Variants in SYN3 observed in about 807,000 individuals in gnomAD.
SYN3 encodes synapsin-3.
SYN3 carries 35 observed loss-of-function variants against 65.8 expected under a neutral mutation model. The ratio of observed to expected loss-of-function variants is 0.53; its 90% confidence interval spans 0.41 to 0.70. The LOEUF is 0.70. Ranked by LOEUF, SYN3 falls within the 30% of genes least tolerant of loss-of-function variation. The pLI is 0.00. For synonymous variants in SYN3, 270 were observed against 292.9 expected (o/e 0.92, Z 0.80); for missense variants, 680 against 749.0 (o/e 0.91, Z 1.08).
intron 6 of SYN3, among the ~76,000 whole-genome samples, chr22:32,796,370 A>G (rs192743917): frequency 1.8e-4 from 28 of 152,326 alleles, no homozygotes; most frequent in Non-Finnish European, 3.7e-4. Flanking sequence ...TGTGGAAAGA[A>G]ATATGAAAAC....
intron 6 of SYN3, among the ~76,000 whole-genome samples, chr22:32,661,661 A>C (rs1444444653): frequency 6.6e-6 from 1 of 152,122 alleles, no homozygotes; most frequent in Non-Finnish European, 1.5e-5. Flanking sequence ...AACAGGATAC[A>C]AGGGGACCTG....
At chr22:32,557,568 G>C (rs924541412) in intron 7 of SYN3, among the ~76,000 whole-genome samples, 1 of 152,154 alleles carries the variant, frequency 6.6e-6, no homozygotes, top group Non-Finnish European at 1.5e-5. Context: ...TGAGCCTCTG[G>C]CCATGACGTA....
chr22:32,560,140 C>T (rs1569038595), intron 7 of SYN3, among the ~76,000 whole-genome samples: 1 of 152,234 alleles, frequency 6.6e-6, no homozygotes, highest in Non-Finnish European at 1.5e-5. Flanking sequence ...GAATGCAAGA[C>T]CCCGGAAGCA....
intron 6 of SYN3, among the ~76,000 whole-genome samples, chr22:32,677,383 G>A (rs1305943215): frequency 3.3e-5 from 5 of 152,210 alleles, no homozygotes; most frequent in Admixed American, 3.3e-4. Flanking sequence ...ATGGAAGACT[G>A]CAGGGCAGTG....
At chr22:32,611,526 T>C (rs1365189416) in intron 6 of SYN3, among the ~76,000 whole-genome samples, 8 of 151,964 alleles carry the variant, frequency 5.3e-5, no homozygotes, top group Non-Finnish European at 1.0e-4. Flanking sequence ...ACTCCTGACC[T>C]CGTGATCTGC....
chr22:32,624,622 G>A (rs1430510949), intron 6 of SYN3, among the ~76,000 whole-genome samples: 3 of 152,204 alleles, frequency 2.0e-5, no homozygotes, highest in African/African-American at 7.2e-5. Flanking sequence ...TTTCGGCGAT[G>A]ACTCCAGGAT....
chr22:32,518,943 C>T (rs542536375), intron 12 of SYN3, among the ~76,000 whole-genome samples: 2 of 152,014 alleles, frequency 1.3e-5, no homozygotes, highest in South Asian at 2.1e-4. Context: ...ATCTGATAGG[C>T]CTGGTGTCCT....
At chr22:32,729,508 G>A (rs2061242236) in intron 6 of SYN3, among the ~76,000 whole-genome samples, 2 of 152,200 alleles carry the variant, frequency 1.3e-5, no homozygotes, top group African/African-American at 2.4e-5. Context: ...CTACAGTGAT[G>A]GGGACTGAAG....
intron 4 of SYN3, among the ~76,000 whole-genome samples, chr22:32,897,776 T>C (rs147263356): frequency 6.6e-6 from 1 of 152,330 alleles, no homozygotes; most frequent in East Asian, 1.9e-4. Context: ...TGATGAATTT[T>C]AGCTATTTTA....
intron 6 of SYN3, among the ~76,000 whole-genome samples, chr22:32,611,273 GTTTTTTTTTTGT>G (rs1481993839): frequency 2.6e-5 from 3 of 117,370 alleles, no homozygotes; most frequent in Non-Finnish European, 3.5e-5. Context: ...TTCAGCTAGA[GTTTTTTTTTTGT>G]TTTTTTTTTT....
chr22:32,622,460 C>A (rs528126762), intron 6 of SYN3, among the ~76,000 whole-genome samples: 1 of 152,122 alleles, frequency 6.6e-6, no homozygotes, highest in Non-Finnish European at 1.5e-5. Context: ...GATTTGGGAC[C>A]TGGGTCTTGA....
At chr22:32,563,103 C>T (rs2058610659) in intron 7 of SYN3, among the ~76,000 whole-genome samples, 1 of 152,246 alleles carries the variant, frequency 6.6e-6, no homozygotes, top group African/African-American at 2.4e-5. Context: ...TCACCGATTG[C>T]CATAACCTCA....
At chr22:33,039,217 C>A (rs2053916254) in intron 1 of SYN3, among the ~76,000 whole-genome samples, 2 of 152,134 alleles carry the variant, frequency 1.3e-5, no homozygotes, top group Admixed American at 1.3e-4. Context: ...GTCACCCGGG[C>A]AGTACGGTGT....
At chr22:33,038,805 C>G (rs1045114651) in intron 1 of SYN3, among the ~76,000 whole-genome samples, 5 of 152,138 alleles carry the variant, frequency 3.3e-5, no homozygotes, top group African/African-American at 1.2e-4. Context: ...CTGAGCAGCT[C>G]TCGCACCCCT....
intron 6 of SYN3, among the ~76,000 whole-genome samples, chr22:32,675,595 T>G (rs1378690947): frequency 6.6e-6 from 1 of 152,122 alleles, no homozygotes; most frequent in East Asian, 1.9e-4. Context: ...ACGTTTCTTC[T>G]CTTTCACCCA....
At chr22:32,596,776 G>A in intron 6 of SYN3, 40 bp from the exon 7 acceptor site, 1 of 1,598,928 alleles carries the variant, frequency 6.3e-7, no homozygotes, top group Non-Finnish European at 8.6e-7. Flanking sequence ...ACATCTCAGA[G>A]CATTGCCACC....
intron 4 of SYN3, among the ~76,000 whole-genome samples, chr22:32,929,531 A>C (rs1018792368): frequency 6.6e-6 from 1 of 152,214 alleles, no homozygotes; most frequent in East Asian, 1.9e-4. Context: ...TTTGAAGCCT[A>C]GCTTGAAAGT....
rs141865309 is a variant in SYN3, at chr22:32,648,745, C to T, written c.712-52009G>A. 3.0e-3 allele frequency among the ~76,000 whole-genome samples: 453 copies of T among 152,304 alleles called. 2 individuals are homozygous for T. Among genetic ancestry groups the T allele is most frequent in the African/African-American group, 0.01 (422 of 41,558 alleles). ...GTTGCTGAAAGATTAAATGACATCA[C>T]ACACACAGAGTATACGCTGAGCTCA... On this transcript the variant is annotated intron_variant, in intron 6 of 13. Coordinates refer to ENST00000358763, the MANE Select transcript of SYN3 (RefSeq NM_003490.4).
rs1403362319 is a variant in SYN3, at chr22:32,814,320, A to AAAGAAAGAAAGAAAGAAAGAAAGG, written c.711+50594_711+50595insCCTTTCTTTCTTTCTTTCTTTCTT. Among the ~76,000 whole-genome samples the AAAGAAAGAAAGAAAGAAAGAAAGG allele has an allele frequency of 7.2e-3, 1,041 of 144,790 alleles. 27 individuals carry two copies. Among genetic ancestry groups the AAAGAAAGAAAGAAAGAAAGAAAGG allele is most frequent in the African/African-American group, 0.025 (951 of 37,328 alleles). The allele number at this position is 144,790 out of a possible 152,430, so 95.0% of individuals were successfully genotyped here. On this transcript the variant is annotated intron_variant, in intron 6 of 13. Transcript: ENST00000358763. The stretch of plus-strand genomic sequence containing the variant: ...AGGAAGGAGAGAGAGAGAGAGACAG[A>AAAGAAAGAAAGAAAGAAAGAAAGG]AAGAAAGAAAGAAAGAAAGAGAAAG...
Sources: gnomAD v4.1 joint callset for allele counts (sites outside exome capture counted in the v4.1 genomes callset) on GRCh38, gnomAD v4.1.1 for gene constraint, MANE v1.5 for transcripts, NCBI Gene and HGNC (gene_info 2026-07-23, HGNC 2026-07-21) for gene names.